Variants in TMEM45A observed in about 807,000 individuals in gnomAD.
TMEM45A encodes the protein transmembrane protein 45A.
Under a neutral mutation model 32.0 loss-of-function variants are expected in TMEM45A, and 25 were observed. The observed-to-expected ratio is 0.78, with a 90% CI of 0.57 to 1.09. TMEM45A has a LOEUF of 1.09. Among genes scored for constraint, TMEM45A ranks in the 50% least tolerant of loss-of-function variants. The probability of loss-of-function intolerance (pLI) is 0.00; values close to 1 mark genes in which losing one functional copy is unlikely to be tolerated. For missense variants in TMEM45A, 302 were observed against 325.0 expected, an observed-to-expected ratio of 0.93 and a Z score of 0.54; for synonymous variants, 122 against 114.8, an observed-to-expected ratio of 1.06 and a Z score of -0.40.
intron 1 of TMEM45A, among the ~76,000 whole-genome samples, chr3:100,552,943 C>T (rs1487995480): frequency 6.6e-6 from 1 of 152,192 alleles, no homozygotes; most frequent in East Asian, 1.9e-4. Context: ...AGAGAAGTGT[C>T]TTGGGCACTA....
intron 1 of TMEM45A, among the ~76,000 whole-genome samples, chr3:100,531,621 G>A (rs976787646): frequency 3.9e-5 from 6 of 152,162 alleles, no homozygotes; most frequent in African/African-American, 1.4e-4. Flanking sequence ...ATGGTAGTAA[G>A]CAGCACTGCT....
chr3:100,500,553 G>A (rs902505640), intron 1 of TMEM45A, among the ~76,000 whole-genome samples: 3 of 152,120 alleles, frequency 2.0e-5, no homozygotes, highest in South Asian at 4.1e-4. Flanking sequence ...TTCCAGTCTC[G>A]TCTGACTTTC....
chr3:100,521,414 C>T (rs116160960), intron 1 of TMEM45A, among the ~76,000 whole-genome samples: 6,937 of 151,962 alleles, frequency 0.046, 583 homozygotes, highest in African/African-American at 0.16. Context: ...CCACCATGCC[C>T]GGCTAATTTT....
In TMEM45A at chr3:100,514,883, C is replaced by T. The variant is rs1425389184; in HGVS notation, c.-4+21955C>T. Among the ~76,000 whole-genome samples the T allele has an allele frequency of 1.9e-4, 27 of 142,882 alleles. 1 individual carries two copies. The highest frequency in any genetic ancestry group is 1.3e-3 in the South Asian group (6 of 4,462). 93.7% of individuals were successfully genotyped at this position (142,882 alleles called of 152,430 possible). ...CAAAAAACACATGAAAAAATGCTCA[C>T]CATCACTGGCCATCAGAGAAATGCA... On this transcript the variant is annotated intron_variant, in intron 1 of 5. Transcript: ENST00000323523.
intron 5 of TMEM45A, chr3:100,572,051 A>G (rs1339341746): frequency 6.6e-6 from 1 of 152,260 alleles, no homozygotes; most frequent in African/African-American, 2.4e-5. Context: ...ATAGTGCCAC[A>G]GTAAACATAC....
At chr3:100,547,481 T>C (rs1706001259) in intron 1 of TMEM45A, among the ~76,000 whole-genome samples, 1 of 152,096 alleles carries the variant, frequency 6.6e-6, no homozygotes, top group Non-Finnish European at 1.5e-5. Flanking sequence ...AAGAAAATCA[T>C]AAGGAAGATA....
intron 1 of TMEM45A, among the ~76,000 whole-genome samples, chr3:100,544,326 G>T (rs1221340375): frequency 6.6e-6 from 1 of 152,126 alleles, no homozygotes; most frequent in Non-Finnish European, 1.5e-5. Flanking sequence ...AGAAGGAAGG[G>T]CAGAAGTGAT....
chr3:100,548,018 T>G (rs1225512601), intron 1 of TMEM45A, among the ~76,000 whole-genome samples: 1 of 152,222 alleles, frequency 6.6e-6, no homozygotes, highest in Non-Finnish European at 1.5e-5. Context: ...CGTGGATGGT[T>G]TTAGTTATTT....
chr3:100,558,357 G>T, intron 3 of TMEM45A, 48 bp from the exon 4 acceptor site: 1 of 1,603,736 alleles, frequency 6.2e-7, no homozygotes, highest in Non-Finnish European at 8.5e-7. Context: ...GAAACAGTGG[G>T]TGGTCCTTGG....
Position 100,577,023 on chromosome 3 carries a change from G to T in TMEM45A, c.*5G>T. 1 of 1,608,426 alleles carries T rather than the reference G, an allele frequency of 6.2e-7. No homozygotes were observed. The highest frequency in any genetic ancestry group is 1.1e-5 in the South Asian group (1 of 90,206). On this transcript the variant is annotated 3_prime_UTR_variant, in exon 6 of 6. Coordinates refer to ENST00000323523, the MANE Select transcript of TMEM45A (RefSeq NM_018004.3). ...GAATCAGAAGAAGAAATGTGACTTTGATGAGCTTCCAGTTTTTCTAGATAA... is the reference window on the plus strand; with the variant it reads ...GAATCAGAAGAAGAAATGTGACTTTTATGAGCTTCCAGTTTTTCTAGATAA...
At chr3:100,544,471 T>C (rs976096544) in intron 1 of TMEM45A, among the ~76,000 whole-genome samples, 1 of 152,204 alleles carries the variant, frequency 6.6e-6, no homozygotes, top group Non-Finnish European at 1.5e-5. Flanking sequence ...GATCAATATA[T>C]AGAATATTTC....
intron 2 of TMEM45A, 102 bp from the exon 3 acceptor site, chr3:100,556,658 A>G: frequency 3.7e-6 from 4 of 1,092,050 alleles, no homozygotes; most frequent in Non-Finnish European, 3.9e-6. Context: ...TTAATGTCAA[A>G]AGAGGACATT....
intron 1 of TMEM45A, chr3:100,519,356 A>G: frequency 1.7e-6 from 1 of 571,528 alleles, no homozygotes; most frequent in Non-Finnish European, 3.1e-6. Flanking sequence ...GTTGCTTTTG[A>G]CATGCATACA....
In TMEM45A at chr3:100,569,610, A is replaced by G. The variant is rs150695627; in HGVS notation, c.734+643A>G. Among the ~76,000 whole-genome samples the G allele has an allele frequency of 7.2e-5, 11 of 152,324 alleles. No individual in the cohort carries two copies. The East Asian group carries it at 1.9e-3, about 27-fold the overall frequency. On this transcript the variant is annotated intron_variant, in intron 5 of 5. Transcript: ENST00000323523. ...AAGTACTAGTTTTGTTGTTTGTAAA[A>G]TGGGGAAATAATAAGACCTAAATGA...
chr3:100,511,682 T>C (rs1426774897), intron 1 of TMEM45A, among the ~76,000 whole-genome samples: 3 of 150,170 alleles, frequency 2.0e-5, no homozygotes, highest in South Asian at 2.1e-4. Context: ...GACTGGCAAA[T>C]TGGATAAAGA....
Position 100,555,304 on chromosome 3 carries a change from CA to C in TMEM45A, c.98del (p.Lys33SerfsTer25). The C allele has an allele frequency of 6.2e-7, 1 of 1,613,870 alleles. No homozygotes were observed. The highest frequency in any genetic ancestry group is 2.2e-5 in the East Asian group (1 of 44,846). On this transcript the variant is annotated frameshift_variant, in exon 2 of 6. Transcript: ENST00000323523. LOFTEE classifies it high-confidence loss of function. ...CAAAGAGTATTCTGAAGTATATCTG[CA>C]AAAAGCAAAAGCGAACCTGCTATCT... ...CTKSILKYIC[K>X]KQKRTCYLGS... is the part of the protein sequence containing the mutation.
intron 1 of TMEM45A, among the ~76,000 whole-genome samples, chr3:100,548,844 T>G (rs1258180304): frequency 6.6e-6 from 1 of 152,252 alleles, no homozygotes; most frequent in East Asian, 1.9e-4. Context: ...GCTGCACTGT[T>G]GACCTACAGC....
rs1559654705 is a variant in TMEM45A at position 100,568,959 on chromosome 3, C to A, written c.726C>A (p.Phe242Leu). 6.2e-7 allele frequency: 1 copy of A among 1,610,424 alleles called. No homozygotes were observed. The highest frequency in any genetic ancestry group is 1.1e-5 in the South Asian group (1 of 90,810). ...TCATCGTTGGAATGAATTATGCTTT[C>A]ATTACCTGGTAAGTTAGCGATTTCT... Reference protein sequence around the residue: ...TIVIVGMNYAFITWLVKSRLK... With the variant: ...TIVIVGMNYALITWLVKSRLK... The change falls in exon 5 of 6, where the codon TTC becomes TTA. Residue 242 changes from phenylalanine to leucine, a missense_variant. Coordinates refer to ENST00000323523, the MANE Select transcript of TMEM45A (RefSeq NM_018004.3).
At chr3:100,555,459 G>C in intron 2 of TMEM45A, 58 bp downstream of exon 2, 2 of 1,474,984 alleles carry the variant, frequency 1.4e-6, no homozygotes, top group Non-Finnish European at 1.8e-6. Context: ...TTCTTTTAAA[G>C]AATTGGTTGG....
Sources: gnomAD v4.1 joint callset for allele counts (sites outside exome capture counted in the v4.1 genomes callset) on GRCh38, gnomAD v4.1.1 for gene constraint, MANE v1.5 for transcripts, NCBI Gene and HGNC (gene_info 2026-07-23, HGNC 2026-07-21) for gene names.